The following ZCCHC24 variants were observed in gnomAD, a reference collection of about 807,000 sequenced individuals.
The protein encoded by ZCCHC24 is zinc finger CCHC domain-containing protein 24.
In ZCCHC24, 10 loss-of-function variants were observed where a neutral mutation model predicts 26.2. The observed-to-expected ratio is 0.38, with a 90% CI of 0.24 to 0.65. The LOEUF (loss-of-function observed/expected upper bound fraction) is 0.65. Among genes scored for constraint, ZCCHC24 ranks in the 30% least tolerant of loss-of-function variants. ZCCHC24 has a pLI of 0.54. For synonymous variants in ZCCHC24, 144 were observed against 147.1 expected, an observed-to-expected ratio of 0.98 and a Z score of 0.15; for missense variants, 243 against 329.1, an observed-to-expected ratio of 0.74 and a Z score of 2.03.
At chr10:79,389,141 G>A (rs956433302) in intron 3 of ZCCHC24, among the ~76,000 whole-genome samples, 6 of 152,196 alleles carry the variant, frequency 3.9e-5, no homozygotes, top group African/African-American at 7.2e-5. Context: ...GGAGGGGAAC[G>A]TGTCTTCACA....
intron 2 of ZCCHC24, among the ~76,000 whole-genome samples, chr10:79,420,428 T>C (rs1564637566): frequency 6.6e-6 from 1 of 152,188 alleles, no homozygotes; most frequent in Non-Finnish European, 1.5e-5. Context: ...TGAAGCAGTC[T>C]CTTAGAACCC....
chr10:79,432,677 C>T lies in ZCCHC24; in HGVS notation c.328G>A (p.Glu110Lys), dbSNP rs765050924. 17 of 1,608,342 alleles carry T rather than the reference C, an allele frequency of 1.1e-5. No homozygotes were observed. The highest frequency in any genetic ancestry group is 1.7e-4 in the Middle Eastern group (1 of 6,054). Reference sequence around the variant, plus strand: ...GTGAGGGTCAGGTCTGAGAAGTGCTCGGTGAGGGAGCTGAGGCCATCGGCG... The same window carrying T: ...GTGAGGGTCAGGTCTGAGAAGTGCTTGGTGAGGGAGCTGAGGCCATCGGCG... Reference protein sequence around the residue: ...NIADGLSSLTEHFSDLTLTSE... With the variant: ...NIADGLSSLTKHFSDLTLTSE... The change falls in exon 2 of 4, where the codon GAG (glutamate) becomes AAG (lysine). Residue 110 changes from glutamate to lysine, a missense_variant. Around this residue, in one of 2 missense-constraint regions of ZCCHC24, gnomAD observed 147 missense variants for 150.8 expected, o/e 0.97. Transcript: ENST00000372336.
chr10:79,443,262 C>T (rs779194268), intron 1 of ZCCHC24, among the ~76,000 whole-genome samples: 6 of 152,140 alleles, frequency 3.9e-5, no homozygotes, highest in Non-Finnish European at 7.4e-5. Flanking sequence ...CACTGAGCTC[C>T]GGTTGGGATC....
At position 79,386,662 on chromosome 10, in the gene ZCCHC24, A is replaced by G. The variant is rs572310714; in HGVS notation, c.613-204T>C. Among the ~76,000 whole-genome samples, 15 of 152,158 alleles carry G rather than the reference A, an allele frequency of 9.9e-5. No individual in the cohort carries two copies. In the South Asian group the frequency reaches 1.0e-3, roughly 11 times the overall value. ...CACACACCCGATGAGGGGTGGGGAGAGGGCGCCTGTGGTCACAGGTTGTTT... is the reference window on the plus strand; with the variant it reads ...CACACACCCGATGAGGGGTGGGGAGGGGGCGCCTGTGGTCACAGGTTGTTT... On this transcript the variant is annotated intron_variant, in intron 3 of 3. Coordinates refer to ENST00000372336, the MANE Select transcript of ZCCHC24 (RefSeq NM_153367.4).
chr10:79,382,689 A>T lies in ZCCHC24; in HGVS notation c.*3656T>A, dbSNP rs1040282060. ...CCCCCATTTCAGGGTTAGTCGTTGG[A>T]CTGAGCTACAATGTAGTGAGGTTGG... On this transcript the variant is annotated 3_prime_UTR_variant, in exon 4 of 4. Transcript: ENST00000372336. 1.3e-5 allele frequency: 2 copies of T among 152,838 alleles called. No homozygotes were observed. Among genetic ancestry groups the T allele is most frequent in the African/African-American group, 4.8e-5 (2 of 41,466 alleles). The allele number at this position is 152,838 out of a possible 1,614,324, so 9.5% of individuals were successfully genotyped here.
chr10:79,428,476 CAGTTTTGCAAGATAA>C lies in ZCCHC24; in HGVS notation c.447+4067_447+4081del, dbSNP rs1257671509. Among the ~76,000 whole-genome samples, 12 of 64,224 alleles carry C rather than the reference CAGTTTTGCAAGATAA, an allele frequency of 1.9e-4. 1 individual carries two copies. Among genetic ancestry groups the C allele is most frequent in the South Asian group, 3.6e-4 (1 of 2,798 alleles). The allele number at this position is 64,224 out of a possible 152,430, so 42.1% of individuals were successfully genotyped here. A position where few individuals can be genotyped will look rare whatever the true frequency, so the allele number is the denominator to read the frequency against. On this transcript the variant is annotated intron_variant, in intron 2 of 3. Transcript: ENST00000372336. ...AATTTCAGTTTTGCAAGATAAATTT[CAGTTTTGCAAGATAA>C]AAAGAGCTCTGTGGCTGGAAGGTGG...
chr10:79,416,682 T>C (rs1042293582), intron 2 of ZCCHC24, among the ~76,000 whole-genome samples: 8 of 151,232 alleles, frequency 5.3e-5, no homozygotes, highest in Admixed American at 2.6e-4. Context: ...CATTTCTTCC[T>C]TTTTTTGCAC....
At chr10:79,406,918 A>G (rs895159726) in intron 2 of ZCCHC24, among the ~76,000 whole-genome samples, 1 of 152,176 alleles carries the variant, frequency 6.6e-6, no homozygotes, top group African/African-American at 2.4e-5. Context: ...GGCTGGTGGT[A>G]CTTGTTTTCA....
intron 1 of ZCCHC24, among the ~76,000 whole-genome samples, chr10:79,438,193 C>T (rs888743258): frequency 2.6e-5 from 4 of 152,152 alleles, no homozygotes; most frequent in African/African-American, 9.7e-5. Flanking sequence ...GCTTTCTTAT[C>T]CCAAAGCCAC....
Position 79,426,585 on chromosome 10 carries a change from A to G in ZCCHC24, c.447+5973T>C, listed in dbSNP as rs537298982. Among the ~76,000 whole-genome samples the G allele has an allele frequency of 1.4e-4, 22 of 152,348 alleles. 1 individual carries two copies. Among genetic ancestry groups the G allele is most frequent in the Admixed American group, 1.4e-3 (21 of 15,304 alleles). ...AGCTACATAGGAGTAACATTTCTCT[A>G]TCTCACTGGAATCAAGTTATAAATC... On this transcript the variant is annotated intron_variant, in intron 2 of 3. Transcript: ENST00000372336.
chr10:79,384,186 G>A lies in ZCCHC24; in HGVS notation c.*2159C>T, dbSNP rs1435729572. The A allele has an allele frequency of 6.6e-6, 1 of 152,380 alleles. No homozygotes were observed. Among genetic ancestry groups the A allele is most frequent in the Non-Finnish European group, 1.5e-5 (1 of 68,074 alleles). The allele number at this position is 152,380 out of a possible 1,614,324, so 9.4% of individuals were successfully genotyped here. ...ACCTGCTGAACAGCTCACTGGCAAG[G>A]TCACTTTGGGGTGATATCCCAACTC... is the stretch of plus-strand genomic sequence containing the variant. On this transcript the variant is annotated 3_prime_UTR_variant, in exon 4 of 4. Coordinates refer to ENST00000372336, the MANE Select transcript of ZCCHC24 (RefSeq NM_153367.4).
At chr10:79,402,254 G>T (rs1442168580) in intron 2 of ZCCHC24, among the ~76,000 whole-genome samples, 1 of 152,188 alleles carries the variant, frequency 6.6e-6, no homozygotes, top group Non-Finnish European at 1.5e-5. Context: ...GCCTGTCTTA[G>T]ATACTTGGTT....
At chr10:79,418,918 G>T (rs1856902100) in intron 2 of ZCCHC24, among the ~76,000 whole-genome samples, 1 of 152,184 alleles carries the variant, frequency 6.6e-6, no homozygotes, top group African/African-American at 2.4e-5. Flanking sequence ...CTCAAGCTGG[G>T]CTCTGAAAGG....
Position 79,442,355 on chromosome 10 carries a change from C to G in ZCCHC24, c.246+2840G>C, listed in dbSNP as rs148909962. ...CTGGTGTGAACTCTGCCATCTCTCT[C>G]TCTGCTCTCAGGGCCAGTGTGCCAC... On this transcript the variant is annotated intron_variant, in intron 1 of 3. Coordinates refer to ENST00000372336, the MANE Select transcript of ZCCHC24 (RefSeq NM_153367.4). Among the ~76,000 whole-genome samples, 1,036 of 152,306 alleles carry G rather than the reference C, an allele frequency of 6.8e-3. 19 individuals carry two copies. Among genetic ancestry groups the G allele is most frequent in the African/African-American group, 0.021 (874 of 41,558 alleles).
intron 2 of ZCCHC24, among the ~76,000 whole-genome samples, chr10:79,402,751 C>T (rs1856653695): frequency 6.6e-6 from 1 of 152,198 alleles, no homozygotes; most frequent in African/African-American, 2.4e-5. Context: ...CTGCTCAAGG[C>T]CACACAGCCA....
intron 2 of ZCCHC24, among the ~76,000 whole-genome samples, chr10:79,429,665 G>A (rs79447262): frequency 0.013 from 1,932 of 152,286 alleles, 49 homozygotes; most frequent in African/African-American, 0.042. Context: ...TGAGGTGACA[G>A]CTGCACAACT....
intron 2 of ZCCHC24, among the ~76,000 whole-genome samples, chr10:79,401,591 C>A (rs908769776): frequency 6.6e-6 from 1 of 152,212 alleles, no homozygotes; most frequent in South Asian, 2.1e-4. Context: ...CGGGAAGGGG[C>A]CGCTGTTCTC....
intron 3 of ZCCHC24, among the ~76,000 whole-genome samples, chr10:79,387,844 G>A (rs1856421805): frequency 6.6e-6 from 1 of 152,216 alleles, no homozygotes; most frequent in African/African-American, 2.4e-5. Flanking sequence ...AGACTGTGGT[G>A]GGAGGGTTCT....
intron 1 of ZCCHC24, among the ~76,000 whole-genome samples, chr10:79,433,832 G>A (rs1175362110): frequency 2.0e-5 from 3 of 152,212 alleles, no homozygotes; most frequent in African/African-American, 7.2e-5. Context: ...CAAAGATGGG[G>A]CAGACAGAAG....
Sources: gnomAD v4.1 joint callset for allele counts (sites outside exome capture counted in the v4.1 genomes callset) on GRCh38, gnomAD v4.1.1 for gene constraint, gnomAD v4.1.1 regional missense constraint, MANE v1.5 for transcripts, NCBI Gene and HGNC (gene_info 2026-07-23, HGNC 2026-07-21) for gene names.